TFIP11: variants seen among roughly 807,000 people sequenced by gnomAD.
TFIP11 encodes the protein tuftelin-interacting protein 11.
Under a neutral mutation model 96.8 loss-of-function variants are expected in TFIP11, and 86 were observed. The ratio of observed to expected loss-of-function variants is 0.89; its 90% CI spans 0.75 to 1.06. The LOEUF is 1.06. Among genes scored for constraint, TFIP11 ranks in the 50% least tolerant of loss-of-function variants. The probability of loss-of-function intolerance (pLI) is 0.00; values close to 1 mark genes in which losing one functional copy is unlikely to be tolerated. For missense variants in TFIP11, 881 were observed against 1,076.7 expected (o/e 0.82, Z 2.54); for synonymous variants, 405 against 395.2 (o/e 1.02, Z -0.29).
At chr22:26,492,463 T>C in intron 14 of TFIP11, 95 bp from the exon 15 acceptor site, 2 of 1,134,554 alleles carry the variant, frequency 1.8e-6, no homozygotes, top group Non-Finnish European at 2.6e-6. Flanking sequence ...TGTGCCAGAG[T>C]GCTTGTGACT....
intron 5 of TFIP11, 45 bp downstream of exon 5, chr22:26,506,730 C>T (rs534161620): frequency 6.2e-7 from 1 of 1,608,152 alleles, no homozygotes; most frequent in South Asian, 1.1e-5. Context: ...CCACAATGAC[C>T]TTTGAAGGAT....
intron 11 of TFIP11, among the ~76,000 whole-genome samples, 179 bp from the exon 12 acceptor site, chr22:26,496,495 CAATT>C (rs938289507): frequency 6.6e-6 from 1 of 152,134 alleles, no homozygotes; most frequent in African/African-American, 2.4e-5. Context: ...AGAAACAGCA[CAATT>C]CTAATTTTAG....
intron 4 of TFIP11, among the ~76,000 whole-genome samples, 161 bp downstream of exon 4, chr22:26,509,903 T>A (rs1923846355): frequency 6.6e-6 from 1 of 152,108 alleles, no homozygotes; most frequent in South Asian, 2.1e-4. Context: ...AGCAGCACTC[T>A]AGCCTAAAGA....
intron 14 of TFIP11, chr22:26,493,637 AAC>A (rs1439681825): frequency 2.5e-5 from 4 of 158,642 alleles, no homozygotes; most frequent in Non-Finnish European, 5.6e-5. Context: ...TGTTTTTGAC[AAC>A]ACAGACACCA....
intron 10 of TFIP11, among the ~76,000 whole-genome samples, chr22:26,497,990 C>A (rs1301007500): frequency 9.4e-6 from 1 of 106,638 alleles, no homozygotes; most frequent in East Asian, 2.6e-4. Flanking sequence ...CACCAATCAA[C>A]AAGTGGATAA....
chr22:26,495,863 T>C (rs1278203075), intron 12 of TFIP11, among the ~76,000 whole-genome samples: 1 of 152,050 alleles, frequency 6.6e-6, no homozygotes, highest in Non-Finnish European at 1.5e-5. Flanking sequence ...CTGTCGACTA[T>C]TAGTGACTGT....
In TFIP11 at chr22:26,499,361, T is replaced by A; in HGVS notation, c.1072A>T (p.Lys358Ter). 1 of 1,614,112 alleles carries A rather than the reference T, an allele frequency of 6.2e-7. No homozygotes were observed. Among genetic ancestry groups the A allele is most frequent in the Non-Finnish European group, 8.5e-7 (1 of 1,179,982 alleles). ...TCGTGGTCCAGGACCTCGGTCATCT[T>A]CTCCAGCTCGTGGAAGAGGTTGACC... Reference protein sequence around the residue: ...MVVNLFHELEKMTEVLDHEER... With the variant: ...MVVNLFHELE Residue 358 changes from lysine to a stop codon, truncating the protein, a stop_gained, in exon 9 of 15, where the codon AAG (lysine) becomes TAG (stop). Transcript: ENST00000407690. LOFTEE classifies it high-confidence loss of function.
At position 26,501,887 on chromosome 22, in the gene TFIP11, A is replaced by G; in HGVS notation, c.801+13T>C. The G allele has an allele frequency of 6.2e-7, 1 of 1,602,258 alleles. No individual in the cohort carries two copies. Among genetic ancestry groups the G allele is most frequent in the Non-Finnish European group, 8.5e-7 (1 of 1,173,124 alleles). On this transcript the variant is annotated intron_variant, in intron 8 of 14. Transcript: ENST00000407690. ...GTGTGGATCCTGTACCAGGTGTCCA[A>G]GGGCCCCTGTACCTTGACTTGAGAA...
intron 12 of TFIP11, 69 bp downstream of exon 12, chr22:26,496,004 T>C: frequency 1.3e-6 from 2 of 1,563,178 alleles, no homozygotes; most frequent in South Asian, 1.2e-5. Flanking sequence ...CTTTAAATCA[T>C]CACTGCTAAC....
At chr22:26,493,910 C>CA (rs1261511222) in intron 14 of TFIP11, 1 of 512,086 alleles carries the variant, frequency 2.0e-6, no homozygotes, top group African/African-American at 1.9e-5. Context: ...CAGCTTAAGT[C>CA]AGTCTCCACT....
chr22:26,503,822 A>T, intron 6 of TFIP11, 29 bp from the exon 7 acceptor site: 2 of 1,609,500 alleles, frequency 1.2e-6, no homozygotes, highest in Non-Finnish European at 1.7e-6. Context: ...AAAAAAAGAG[A>T]GTCTTACGAT....
chr22:26,491,566 A>G lies in TFIP11; in HGVS notation c.*447T>C, dbSNP rs758086439. 1 of 1,614,176 alleles carries G rather than the reference A, an allele frequency of 6.2e-7. No individual in the cohort carries two copies. Among genetic ancestry groups the G allele is most frequent in the Admixed American group, 1.7e-5 (1 of 60,030 alleles). On this transcript the variant is annotated 3_prime_UTR_variant, in exon 15 of 15. Coordinates refer to ENST00000407690, the MANE Select transcript of TFIP11 (RefSeq NM_012143.4). ...TGGTTCCCTGTGCAAAAGCTAGAAC[A>G]GCTCTCCATAGATATTTGGGAGTTT...
chr22:26,496,755 A>G lies in TFIP11; in HGVS notation c.1571T>C (p.Leu524Pro). 1 of 1,614,076 alleles carries G rather than the reference A, an allele frequency of 6.2e-7. No homozygotes were observed. Among genetic ancestry groups the G allele is most frequent in the Non-Finnish European group, 8.5e-7 (1 of 1,180,022 alleles). Residue 524 changes from leucine to proline, a missense_variant, in exon 11 of 15, where the codon CTG (leucine) becomes CCG (proline). Physicochemically the swap from Leu to Pro is moderately conservative, Grantham distance 98 (BLOSUM62 -3). Transcript: ENST00000407690. ...CAGCTTGGGGAAGATGAGTTGGTCC[A>G]GTATGTTATCTAAGATCCACACAGG... ...IIPVWILDNI[L>P]DQLIFPKLQK...
intron 14 of TFIP11, chr22:26,493,286 A>G (rs1259259323): frequency 6.6e-6 from 1 of 152,252 alleles, no homozygotes; most frequent in Non-Finnish European, 1.5e-5. Flanking sequence ...TCGGCCTCCC[A>G]AAGTGCTAGG....
intron 14 of TFIP11, chr22:26,492,750 T>C (rs757528884): frequency 1.4e-5 from 3 of 216,124 alleles, no homozygotes; most frequent in Admixed American, 1.0e-4. Context: ...CTTGAAAACA[T>C]AGGGCCCATA....
In TFIP11 at chr22:26,494,649, C is replaced by A. The variant is rs534540520; in HGVS notation, c.1992+148G>T. 34 of 1,115,502 alleles carry A rather than the reference C, an allele frequency of 3.0e-5. 1 individual carries two copies. The South Asian group carries it at 3.8e-4, about 12-fold the overall frequency. The allele number at this position is 1,115,502 out of a possible 1,614,324, so 69.1% of individuals were successfully genotyped here. ...ATGGCAAATGTCCAATAAATGGTGC[C>A]CACTATGAAGATGACCTAACTCATT... On this transcript the variant is annotated intron_variant, in intron 13 of 14. Coordinates refer to ENST00000407690, the MANE Select transcript of TFIP11 (RefSeq NM_012143.4).
chr22:26,496,690 TGAC>T lies in TFIP11; in HGVS notation c.1605+28_1605+30del, dbSNP rs755461406. 4.2e-5 allele frequency: 67 copies of T among 1,609,130 alleles called. No individual in the cohort carries two copies. The South Asian group carries it at 6.8e-4, about 16-fold the overall frequency. On this transcript the variant is annotated intron_variant, in intron 11 of 14. Transcript: ENST00000407690. ...CTGAACAAGTCCCTGTGATTAGTGA[TGAC>T]GACTGTTTCCCATGACTCTCATCCC... is the stretch of plus-strand genomic sequence containing the variant.
chr22:26,494,100 C>A, intron 14 of TFIP11, 39 bp downstream of exon 14: 1 of 1,606,802 alleles, frequency 6.2e-7, no homozygotes, highest in Non-Finnish European at 8.5e-7. Context: ...AAATCTGAAA[C>A]TTGGGGCCAG....
At position 26,496,785 on chromosome 22, in the gene TFIP11, A is replaced by G. The variant is rs1211737307; in HGVS notation, c.1541T>C (p.Ile514Thr). Residue 514 changes from isoleucine to threonine, a missense_variant, in exon 11 of 15, where the codon ATT (isoleucine) becomes ACT (threonine). Coordinates refer to ENST00000407690, the MANE Select transcript of TFIP11 (RefSeq NM_012143.4). The part of the protein sequence containing the change: ...MVDFLDSWVH[I>T]IPVWILDNIL... ...GTTATCTAAGATCCACACAGGAATA[A>G]TGTGCACCCAACTATCCAAAAAGTC... 3 of 1,614,056 alleles carry G rather than the reference A, an allele frequency of 1.9e-6. No homozygotes were observed. In the African/African-American group the frequency reaches 4.0e-5, roughly 22 times the overall value.
Sources: allele counts gnomAD v4.1 joint callset (sites outside exome capture counted in the v4.1 genomes callset), GRCh38; gene constraint gnomAD v4.1.1; transcripts MANE v1.5; gene names NCBI Gene and HGNC (gene_info 2026-07-23, HGNC 2026-07-21).